The following HNF1A variants were observed in gnomAD, a reference collection of about 807,000 sequenced individuals.
HNF1A encodes the protein HNF1 homeobox A.
HNF1A carries 21 observed loss-of-function variants against 62.2 expected under a neutral mutation model. The ratio of observed to expected loss-of-function variants is 0.34; its 90% CI spans 0.24 to 0.49. The LOEUF (loss-of-function observed/expected upper bound fraction) is 0.49, where lower values mean the gene tolerates loss of function less well. Ranked by LOEUF, HNF1A falls within the 20% of genes least tolerant of loss-of-function variation. The probability of loss-of-function intolerance (pLI) is 0.99; values close to 1 mark genes in which losing one functional copy is unlikely to be tolerated. For synonymous variants in HNF1A, 374 were observed against 366.8 expected, an observed-to-expected ratio of 1.02 and a Z score of -0.22; for missense variants, 687 against 832.3, an observed-to-expected ratio of 0.83 and a Z score of 2.15.
At chr12:120,990,644 GAGGAAAGGTAGGAAAGGGAGGAAAGGT>G (rs1369156165) in intron 2 of HNF1A, among the ~76,000 whole-genome samples, 34 of 100,068 alleles carry the variant, frequency 3.4e-4, no homozygotes, top group African/African-American at 1.4e-3. Flanking sequence ...ATAGGAAAGG[GAGGAAAGGTAGGAAAGGGAGGAAAGGT>G]AGGAAAGGGA....
At chr12:120,984,432 G>C (rs933658169) in intron 1 of HNF1A, among the ~76,000 whole-genome samples, 9 of 152,056 alleles carry the variant, frequency 5.9e-5, no homozygotes, top group African/African-American at 2.2e-4. Context: ...CCCAGGAGAG[G>C]CTCTCAAGAG....
At chr12:120,989,340 C>G (rs1876697059) in intron 2 of HNF1A, among the ~76,000 whole-genome samples, 1 of 152,124 alleles carries the variant, frequency 6.6e-6, no homozygotes, top group Non-Finnish European at 1.5e-5. Flanking sequence ...TCACTGTGAC[C>G]TCCTCCTCCC....
At chr12:120,992,430 G>A (rs1876884221) in intron 2 of HNF1A, among the ~76,000 whole-genome samples, 1 of 152,160 alleles carries the variant, frequency 6.6e-6, no homozygotes. Context: ...GTCTTGCCAT[G>A]TTGCCCAGGC....
chr12:120,996,729 C>T lies in HNF1A; in HGVS notation c.1296C>T (p.Ser432=), dbSNP rs1303693575. The T allele has an allele frequency of 1.9e-6, 3 of 1,614,104 alleles. No individual in the cohort carries two copies. The highest frequency in any genetic ancestry group is 2.2e-5 in the East Asian group (1 of 44,868). The change falls in exon 6 of 10, where the codon TCC becomes TCT. Residue 432 remains serine, a synonymous_variant. Coordinates refer to ENST00000257555, the MANE Select transcript of HNF1A (RefSeq NM_000545.8). The surrounding 1 kb of genome is among the most constrained non-coding windows in gnomAD (Gnocchi z 4.5). ...CTACGTTCACCAACACAGGTGCCTC[C>T]ACCCTGGTCATCGGTAAGCTGGTGG... ...LGPTFTNTGA[S]TLVIGLASTQ...
intron 2 of HNF1A, among the ~76,000 whole-genome samples, chr12:120,991,307 A>C (rs1876821090): frequency 6.6e-6 from 1 of 152,326 alleles, no homozygotes; most frequent in African/African-American, 2.4e-5. Flanking sequence ...AAAAAAATGT[A>C]TGCAGGCCGG....
rs748532681 is a variant in HNF1A, at chr12:120,978,721, C to T, written c.-48C>T. On this transcript the variant is annotated 5_prime_UTR_variant, in exon 1 of 10. Coordinates refer to ENST00000257555, the MANE Select transcript of HNF1A (RefSeq NM_000545.8). ...AACGCAACCCACGCGGTGGGGGAGGCGGCTAGCGTGGTGGACCCGGGCCGC... is the reference window on the plus strand; with the variant it reads ...AACGCAACCCACGCGGTGGGGGAGGTGGCTAGCGTGGTGGACCCGGGCCGC... The T allele has an allele frequency of 2.5e-6, 4 of 1,570,816 alleles. No homozygotes were observed. The highest frequency in any genetic ancestry group is 3.5e-6 in the Non-Finnish European group (4 of 1,143,006).
At chr12:120,994,455 G>A (rs780993069) in intron 4 of HNF1A, 50 bp downstream of exon 4, 20 of 1,556,930 alleles carry the variant, frequency 1.3e-5, no homozygotes, top group African/African-American at 1.2e-4. Flanking sequence ...GGAGGGTTGG[G>A]GAGGACTGTC....
At position 120,997,459 on chromosome 12, in the gene HNF1A, C is replaced by A; in HGVS notation, c.1310-15C>A. The A allele has an allele frequency of 6.3e-7, 1 of 1,595,718 alleles. No homozygotes were observed. Among genetic ancestry groups the A allele is most frequent in the Non-Finnish European group, 8.5e-7 (1 of 1,172,758 alleles). On this transcript the variant is annotated splice_polypyrimidine_tract_variant and intron_variant, in intron 6 of 9. Coordinates refer to ENST00000257555, the MANE Select transcript of HNF1A (RefSeq NM_000545.8). ...AACTGGGGGGCCCAGCTGATTCCCT[C>A]CCCTTCCACTCCAGGCCTGGCCTCC...
At chr12:120,987,987 G>GTCCA (rs1399422977) in intron 1 of HNF1A, among the ~76,000 whole-genome samples, 1 of 151,304 alleles carries the variant, frequency 6.6e-6, no homozygotes, top group Non-Finnish European at 1.5e-5. Flanking sequence ...GGTCTCCTTC[G>GTCCA]TCCATCCATC....
chr12:120,978,550 A>G lies in HNF1A; in HGVS notation c.-219A>G, dbSNP rs929341467. The G allele has an allele frequency of 4.4e-5, 27 of 614,760 alleles. No homozygotes were observed. The highest frequency in any genetic ancestry group is 8.3e-5 in the East Asian group (3 of 36,068). 38.1% of individuals were successfully genotyped at this position (614,760 alleles called of 1,614,324 possible). On this transcript the variant is annotated 5_prime_UTR_variant, in exon 1 of 10. An upstream start codon of the reference 5' UTR is lost. Transcript: ENST00000257555. Reference sequence around the variant, plus strand: ...ACCTTGGAGAATTTCCCCAGCTCCAATGTAAACAGAACAGGCAGGGGCCCT... The same window carrying G: ...ACCTTGGAGAATTTCCCCAGCTCCAGTGTAAACAGAACAGGCAGGGGCCCT...
Position 120,999,163 on chromosome 12 carries a change from T to C in HNF1A, c.1502-105T>C, listed in dbSNP as rs1014922009. The C allele has an allele frequency of 1.9e-5, 26 of 1,362,604 alleles. No individual in the cohort carries two copies. In the African/African-American group the frequency reaches 2.6e-4, roughly 13 times the overall value. The allele number at this position is 1,362,604 out of a possible 1,614,324, so 84.4% of individuals were successfully genotyped here. ...CTGGATCTCCAACTGCTGCCCAGTC[T>C]GGCTGTTCAGCAGGCCCCATGCCCC... On this transcript the variant is annotated intron_variant, in intron 7 of 9. Transcript: ENST00000257555.
rs1273179291 is a variant in HNF1A at position 120,994,419 on chromosome 12, G to A, written c.955+14G>A. ...GTAAGGTCCACGGTAAGTGGTATGT[G>A]GGGACAAGGGACACGTGGGAAGGTG... On this transcript the variant is annotated intron_variant, in intron 4 of 9. Coordinates refer to ENST00000257555, the MANE Select transcript of HNF1A (RefSeq NM_000545.8). 1 of 1,580,714 alleles carries A rather than the reference G, an allele frequency of 6.3e-7. No homozygotes were observed. Among genetic ancestry groups the A allele is most frequent in the Non-Finnish European group, 8.6e-7 (1 of 1,161,478 alleles).
chr12:121,001,238 G>GA lies in HNF1A; in HGVS notation c.*47dup. 1 of 1,609,114 alleles carries GA rather than the reference G, an allele frequency of 6.2e-7. No individual in the cohort carries two copies. The highest frequency in any genetic ancestry group is 8.5e-7 in the Non-Finnish European group (1 of 1,178,170). On this transcript the variant is annotated 3_prime_UTR_variant, in exon 10 of 10. Transcript: ENST00000257555. The stretch of plus-strand genomic sequence containing the variant: ...GGCCTGTACTGCCTGCTTGGGGGGT[G>GA]ATGAGGGCAGCAGCCAGCCCTGCCT...
chr12:120,997,199 G>A, intron 6 of HNF1A: 1 of 1,416,154 alleles, frequency 7.1e-7, no homozygotes, highest in South Asian at 1.6e-5. Context: ...GGAACCCCAG[G>A]GCTCCAGGGA....
rs773603125 is a variant in HNF1A at position 120,979,117 on chromosome 12, C to T, written c.326+23C>T. On this transcript the variant is annotated intron_variant, in intron 1 of 9. Coordinates refer to ENST00000257555, the MANE Select transcript of HNF1A (RefSeq NM_000545.8). ...GCAGTAAGGAGCCCTGCCCCGTCCC[C>T]GCTCCCAGGAGAGCCTAGAGGGGCC... The T allele has an allele frequency of 1.6e-5, 26 of 1,588,850 alleles. 1 individual carries two copies. Among genetic ancestry groups the T allele is most frequent in the Middle Eastern group, 1.8e-4 (1 of 5,546 alleles).
chr12:120,998,531 A>G (rs1877233788), intron 7 of HNF1A, among the ~76,000 whole-genome samples: 1 of 152,008 alleles, frequency 6.6e-6, no homozygotes, highest in Non-Finnish European at 1.5e-5. Flanking sequence ...GGAATTTGGG[A>G]CTGGGTTAAG....
rs1876671241 is a variant in HNF1A, at chr12:120,988,909, G to A, written c.403G>A (p.Asp135Asn). 1.2e-6 allele frequency: 2 copies of A among 1,614,220 alleles called. No individual in the cohort carries two copies. The highest frequency in any genetic ancestry group is 1.7e-6 in the Non-Finnish European group (2 of 1,180,036). Residue 135 changes from aspartate to asparagine, a missense_variant, in exon 2 of 10, where the codon GAT becomes AAT. Asp to Asn is a conservative substitution (Grantham distance 23). Transcript: ENST00000257555. ...QHNIPQREVV[D>N]TTGLNQSHLS... ...CAACATCCCACAGCGGGAGGTGGTCGATACCACTGGCCTCAACCAGTCCCA... is the reference window on the plus strand; with the variant it reads ...CAACATCCCACAGCGGGAGGTGGTCAATACCACTGGCCTCAACCAGTCCCA...
chr12:120,996,000 T>G (rs1036260939), intron 4 of HNF1A, among the ~76,000 whole-genome samples: 8 of 152,242 alleles, frequency 5.3e-5, no homozygotes, highest in Non-Finnish European at 1.0e-4. Flanking sequence ...TGTCTTCTAC[T>G]GAGCACCTAC....
chr12:120,989,257 GCTTT>G (rs1196393114), intron 2 of HNF1A, among the ~76,000 whole-genome samples: 3 of 152,072 alleles, frequency 2.0e-5, no homozygotes, highest in South Asian at 2.1e-4. Flanking sequence ...ATGGGTCCCT[GCTTT>G]CTTTTTCTTT....
Sources: allele counts gnomAD v4.1 joint callset (sites outside exome capture counted in the v4.1 genomes callset), GRCh38; gene constraint gnomAD v4.1.1; non-coding constraint Gnocchi (gnomAD v3.1); transcripts MANE v1.5; gene names NCBI Gene and HGNC (gene_info 2026-07-23, HGNC 2026-07-21).